The following ZFAT variants were observed in gnomAD, a reference collection of about 807,000 sequenced individuals.
ZFAT encodes the protein zinc finger and AT-hook domain containing, also known as zinc finger protein ZFAT.
In ZFAT, 64 loss-of-function variants were observed where a neutral mutation model predicts 117.7. The observed-to-expected ratio is 0.54, with a 90% CI of 0.44 to 0.67. The LOEUF is 0.67. Ranked by LOEUF, ZFAT falls within the 30% of genes least tolerant of loss-of-function variation. The pLI, the probability that ZFAT is intolerant of heterozygous loss-of-function variation, is 0.00. For missense variants in ZFAT, 1,433 were observed against 1,584.5 expected, an observed-to-expected ratio of 0.90 and a Z score of 1.62; for synonymous variants, 679 against 615.0, an observed-to-expected ratio of 1.10 and a Z score of -1.54.
intron 1 of ZFAT, among the ~76,000 whole-genome samples, chr8:134,686,319 C>T (rs1010702654): frequency 2.6e-5 from 4 of 152,176 alleles, no homozygotes; most frequent in Non-Finnish European, 5.9e-5. Context: ...GAAGGCACAA[C>T]CACCCTGCCC....
At chr8:134,544,129 GTTC>G (rs1206049597) in intron 11 of ZFAT, among the ~76,000 whole-genome samples, 3 of 152,228 alleles carry the variant, frequency 2.0e-5, no homozygotes, top group South Asian at 2.1e-4. Flanking sequence ...GAAGTTGTAA[GTTC>G]TTCTTCTCAT....
intron 1 of ZFAT, among the ~76,000 whole-genome samples, chr8:134,698,417 C>T (rs1315228458): frequency 3.3e-5 from 5 of 151,998 alleles, no homozygotes; most frequent in Admixed American, 1.3e-4. Flanking sequence ...GAAGAGGCAG[C>T]GGGGGAACCT....
upstream of ZFAT, chr8:134,713,140 C>T (rs1407628494): frequency 2.0e-5 from 7 of 350,274 alleles, no homozygotes; most frequent in Admixed American, 9.6e-5. Flanking sequence ...CGAGCTAACG[C>T]GCATGCTCGC....
intron 10 of ZFAT, 26 bp from the exon 11 acceptor site, chr8:134,565,447 A>C (rs766062336): frequency 1.2e-6 from 2 of 1,607,644 alleles, no homozygotes; most frequent in South Asian, 2.2e-5. Context: ...GGACAAGATG[A>C]GCGTCGCCAG....
At chr8:134,550,528 T>C (rs774991952) in intron 11 of ZFAT, among the ~76,000 whole-genome samples, 2 of 152,234 alleles carry the variant, frequency 1.3e-5, no homozygotes. Context: ...TAAATAACAG[T>C]AAATCAATCC....
intron 15 of ZFAT, among the ~76,000 whole-genome samples, chr8:134,492,841 G>C (rs557027549): frequency 2.0e-5 from 3 of 152,304 alleles, no homozygotes; most frequent in Non-Finnish European, 4.4e-5. Flanking sequence ...ACAAAAAGAA[G>C]GGTGTTCTGA....
intron 11 of ZFAT, among the ~76,000 whole-genome samples, chr8:134,554,523 G>A (rs1470173008): frequency 6.6e-6 from 1 of 152,166 alleles, no homozygotes; most frequent in Non-Finnish European, 1.5e-5. Flanking sequence ...CCAAGGGCAA[G>A]AGGGTTGGGG....
intron 7 of ZFAT, chr8:134,599,896 A>T (rs1827275584): frequency 2.4e-6 from 1 of 422,930 alleles, no homozygotes; most frequent in African/African-American, 2.1e-5. Flanking sequence ...TATTAACAGC[A>T]TATTGAATTA....
intron 11 of ZFAT, among the ~76,000 whole-genome samples, chr8:134,533,832 C>G (rs778154605): frequency 6.6e-6 from 1 of 152,216 alleles, no homozygotes; most frequent in Non-Finnish European, 1.5e-5. Context: ...CTCAGTGAGA[C>G]CTGGCCTTTG....
At chr8:134,753,049 G>A in the ZFAT span, among the ~76,000 whole-genome samples, 5 of 152,150 alleles carry the variant, frequency 3.3e-5, no homozygotes, top group African/African-American at 4.8e-5. Context: ...GGAAGTTCAT[G>A]TTCAAAACAA....
Position 134,703,203 on chromosome 8 carries a change from G to A in ZFAT, c.19+9642C>T, listed in dbSNP as rs548750738. 1.5e-4 allele frequency among the ~76,000 whole-genome samples: 23 copies of A among 152,300 alleles called. No individual in the cohort carries two copies. The East Asian group carries it at 3.5e-3, about 23-fold the overall frequency. On this transcript the variant is annotated intron_variant, in intron 1 of 15. Transcript: ENST00000377838. ...TAATTTTTACCATTCTAGTGGGTAC[G>A]TAGTAGTGTCTCATTGTGATTTTAA...
At chr8:134,737,478 T>G in the ZFAT span, among the ~76,000 whole-genome samples, 7 of 152,146 alleles carry the variant, frequency 4.6e-5, no homozygotes, top group African/African-American at 1.2e-4. Context: ...CAGGGCTCTG[T>G]GTGTTCAGTC....
chr8:134,644,235 C>T (rs529399555), intron 2 of ZFAT, among the ~76,000 whole-genome samples: 1 of 152,002 alleles, frequency 6.6e-6, no homozygotes, highest in African/African-American at 2.4e-5. Context: ...AGGCACCCAA[C>T]AAACAGTTAA....
At chr8:134,759,405 C>T in the ZFAT span, among the ~76,000 whole-genome samples, 1 of 152,202 alleles carries the variant, frequency 6.6e-6, no homozygotes, top group Non-Finnish European at 1.5e-5. Context: ...CAGGTTACCT[C>T]TTCTTCCACC....
At chr8:134,562,633 G>A (rs2130758815) in intron 11 of ZFAT, among the ~76,000 whole-genome samples, 1 of 152,270 alleles carries the variant, frequency 6.6e-6, no homozygotes, top group South Asian at 2.1e-4. Flanking sequence ...CACTCAATAG[G>A]GAGGAAGCTA....
At chr8:134,558,833 C>T (rs1426465657) in intron 11 of ZFAT, among the ~76,000 whole-genome samples, 1 of 152,172 alleles carries the variant, frequency 6.6e-6, no homozygotes, top group Non-Finnish European at 1.5e-5. Context: ...ACATCACTAT[C>T]AGCATTTTAC....
chr8:134,776,134 T>C, the ZFAT span, among the ~76,000 whole-genome samples: 5 of 152,248 alleles, frequency 3.3e-5, no homozygotes, highest in Non-Finnish European at 2.9e-5. Context: ...GTCCACATAT[T>C]ATCTGATTCA....
At chr8:134,805,544 TC>T in the ZFAT span, among the ~76,000 whole-genome samples, 1 of 152,282 alleles carries the variant, frequency 6.6e-6, no homozygotes, top group East Asian at 1.9e-4. Flanking sequence ...AAACTCATGA[TC>T]TTAAATTTGT....
intron 9 of ZFAT, among the ~76,000 whole-genome samples, chr8:134,584,433 GCAGA>G (rs1296400330): frequency 6.6e-6 from 1 of 152,240 alleles, no homozygotes; most frequent in Non-Finnish European, 1.5e-5. Context: ...AACCTGCAGA[GCAGA>G]CAGTCACTAA....
Sources: gnomAD v4.1 joint callset for allele counts (sites outside exome capture counted in the v4.1 genomes callset) on GRCh38, gnomAD v4.1.1 for gene constraint, MANE v1.5 for transcripts, NCBI Gene and HGNC (gene_info 2026-07-23, HGNC 2026-07-21) for gene names.